Variants in LIMCH1 observed in about 807,000 individuals in gnomAD.
LIMCH1 encodes the protein LIM and calponin homology domains 1.
A neutral mutation model predicts 176.5 loss-of-function variants in LIMCH1; 113 were observed. The ratio of observed to expected loss-of-function variants is 0.64; its 90% CI spans 0.55 to 0.75. The LOEUF is 0.75. LIMCH1 is among the 30% of genes least tolerant of loss of function. The pLI, the probability that LIMCH1 is intolerant of heterozygous loss-of-function variation, is 0.00. For synonymous variants in LIMCH1, 619 were observed against 645.9 expected, an observed-to-expected ratio of 0.96 and a Z score of 0.63; for missense variants, 1,674 against 1,814.9, an observed-to-expected ratio of 0.92 and a Z score of 1.41.
intron 22 of LIMCH1, among the ~76,000 whole-genome samples, chr4:41,672,198 C>T (rs1206651216): frequency 2.6e-5 from 4 of 151,984 alleles, no homozygotes; most frequent in African/African-American, 4.8e-5. Flanking sequence ...GGTGAAACCC[C>T]GTCTCTACTG....
At position 41,598,969 on chromosome 4, in the gene LIMCH1, A is replaced by C; in HGVS notation, c.-191A>C. The C allele has an allele frequency of 6.2e-7, 1 of 1,612,692 alleles. No homozygotes were observed. The highest frequency in any genetic ancestry group is 8.5e-7 in the Non-Finnish European group (1 of 1,178,940). ...GGTTGTAAAGAGCTCGGCCTTAAAG[A>C]ATCTCAACTTTTTGACCCGAGTGAC... is the stretch of plus-strand genomic sequence containing the variant. On this transcript the variant is annotated 5_prime_UTR_variant, in exon 2 of 32. Coordinates refer to ENST00000503057, the MANE Select transcript of LIMCH1 (RefSeq NM_001330672.2).
In LIMCH1 at chr4:41,680,971, A is replaced by G. The variant is rs774116809; in HGVS notation, c.3629A>G (p.Glu1210Gly). The G allele has an allele frequency of 1.2e-6, 2 of 1,602,520 alleles. No individual in the cohort carries two copies. The highest frequency in any genetic ancestry group is 1.7e-6 in the Non-Finnish European group (2 of 1,169,876). ...TCCCCTTAGGAGCGTAAGATAATTG[A>G]AGACACTGTGGTTCCATTTACTGTT... is the stretch of plus-strand genomic sequence containing the variant. ...RYYEEERKII[E>G]DTVVPFTVSS... Residue 1210 changes from glutamate to glycine, a missense_variant, in exon 25 of 32, where the codon GAA becomes GGA. By Grantham distance (98) the Glu-to-Gly change is moderately conservative (BLOSUM62 -2). This residue lies in a region of LIMCH1 where 1,015 missense variants were observed against 1,102.5 expected (regional missense o/e 0.92). Coordinates refer to ENST00000503057, the MANE Select transcript of LIMCH1 (RefSeq NM_001330672.2).
At chr4:41,431,407 T>C (rs1362803625) in intron 1 of LIMCH1, among the ~76,000 whole-genome samples, 3 of 152,222 alleles carry the variant, frequency 2.0e-5, no homozygotes, top group African/African-American at 7.2e-5. Flanking sequence ...GCATAAGAAC[T>C]GTTTCAGTGG....
At chr4:41,568,516 C>G (rs2152574721) in intron 1 of LIMCH1, among the ~76,000 whole-genome samples, 1 of 152,244 alleles carries the variant, frequency 6.6e-6, no homozygotes, top group African/African-American at 2.4e-5. Context: ...ATTTTTGGAT[C>G]TAGATTTCTT....
chr4:41,549,427 C>T (rs1158522423), intron 1 of LIMCH1, among the ~76,000 whole-genome samples: 2 of 152,134 alleles, frequency 1.3e-5, no homozygotes, highest in African/African-American at 4.8e-5. Flanking sequence ...GGGATAGAGC[C>T]AGAAGCTGAA....
chr4:41,525,959 C>G lies in LIMCH1; in HGVS notation c.237+1481C>G, dbSNP rs574015213. Among the ~76,000 whole-genome samples the G allele has an allele frequency of 3.9e-5, 6 of 152,190 alleles. 1 individual carries two copies. Among genetic ancestry groups the G allele is most frequent in the African/African-American group, 1.4e-4 (6 of 41,534 alleles). On this transcript the variant is annotated intron_variant, in intron 3 of 26. Coordinates refer to the LIMCH1 transcript ENST00000313860. ...CCAGGAAAATCCAGATGAGGAGAAA[C>G]AAGTCACTCCCAGTCCAGTAGCTAA...
At position 41,440,091 on chromosome 4, in the gene LIMCH1, A is replaced by T. The variant is rs569304690; in HGVS notation, c.97-54445A>T. ...CTGTGTAATTTACAGCTGCTGGAGG[A>T]AAGGAAGAAGTAACAAGAAGACATT... On this transcript the variant is annotated intron_variant, in intron 1 of 26. Transcript: ENST00000313860. 3.0e-4 allele frequency among the ~76,000 whole-genome samples: 46 copies of T among 152,318 alleles called. 1 individual carries two copies. In the South Asian group the frequency reaches 8.3e-3, roughly 27 times the overall value.
chr4:41,426,264 G>T (rs890841422), intron 1 of LIMCH1, among the ~76,000 whole-genome samples: 4 of 151,822 alleles, frequency 2.6e-5, no homozygotes, highest in African/African-American at 9.7e-5. Context: ...CTCGTGATCC[G>T]CCCGCCTCGG....
chr4:41,396,685 G>A (rs1246582130), intron 1 of LIMCH1, among the ~76,000 whole-genome samples: 2 of 152,102 alleles, frequency 1.3e-5, no homozygotes, highest in Non-Finnish European at 2.9e-5. Flanking sequence ...CAGATCACTT[G>A]AGGTCAGGAG....
At chr4:41,523,504 C>T (rs760192307) in intron 2 of LIMCH1, among the ~76,000 whole-genome samples, 2 of 152,210 alleles carry the variant, frequency 1.3e-5, no homozygotes, top group Non-Finnish European at 2.9e-5. Flanking sequence ...CTAAGTTTCT[C>T]TTTGCACAGT....
intron 1 of LIMCH1, among the ~76,000 whole-genome samples, chr4:41,380,490 T>C (rs2055489856): frequency 1.3e-5 from 2 of 151,744 alleles, no homozygotes; most frequent in Admixed American, 6.6e-5. Context: ...TTTTTTTTTT[T>C]AGATAAGCAT....
At chr4:41,403,302 C>T (rs916044444) in intron 1 of LIMCH1, among the ~76,000 whole-genome samples, 6 of 152,052 alleles carry the variant, frequency 3.9e-5, no homozygotes, top group Admixed American at 6.6e-5. Context: ...CCCATCACGC[C>T]GGGCACGGTG....
At chr4:41,407,308 A>G (rs1161635809) in intron 1 of LIMCH1, among the ~76,000 whole-genome samples, 1 of 152,152 alleles carries the variant, frequency 6.6e-6, no homozygotes, top group East Asian at 1.9e-4. Flanking sequence ...GGCTCACTGC[A>G]TCTTCGACCT....
At chr4:41,541,702 C>G (rs539821656) in intron 1 of LIMCH1, among the ~76,000 whole-genome samples, 2 of 152,184 alleles carry the variant, frequency 1.3e-5, no homozygotes, top group South Asian at 2.1e-4. Flanking sequence ...TTTCTGTAAG[C>G]AGTCATTTCT....
chr4:41,682,942 A>G (rs1310258499), intron 26 of LIMCH1, among the ~76,000 whole-genome samples: 1 of 152,000 alleles, frequency 6.6e-6, no homozygotes, highest in Non-Finnish European at 1.5e-5. Context: ...CTCCTGAAGT[A>G]CTGGGATTAC....
chr4:41,399,141 T>A (rs549075785), intron 1 of LIMCH1, among the ~76,000 whole-genome samples: 8 of 152,284 alleles, frequency 5.3e-5, no homozygotes, highest in South Asian at 2.1e-4. Context: ...AGGCATGGGA[T>A]GTTATTATAA....
In LIMCH1 at chr4:41,609,574, C is replaced by G. The variant is rs376585267; in HGVS notation, c.9+3570C>G. 3.1e-5 allele frequency: 14 copies of G among 447,062 alleles called. No homozygotes were observed. In the East Asian group the frequency reaches 8.4e-4, roughly 27 times the overall value. 27.7% of individuals were successfully genotyped at this position (447,062 alleles called of 1,614,324 possible). Reference sequence around the variant, plus strand: ...ATGTTGAGCAGTAAAAGAGAAGCATCTGGAGTTTCTCAGAAACTGTTAAGT... The same window carrying G: ...ATGTTGAGCAGTAAAAGAGAAGCATGTGGAGTTTCTCAGAAACTGTTAAGT... On this transcript the variant is annotated intron_variant, in intron 4 of 31. Transcript: ENST00000503057.
intron 22 of LIMCH1, among the ~76,000 whole-genome samples, chr4:41,675,529 AG>A (rs1273524186): frequency 1.3e-5 from 2 of 152,042 alleles, no homozygotes; most frequent in African/African-American, 2.4e-5. Context: ...AACAAAGGGA[AG>A]GGAGGAGCAC....
chr4:41,579,181 G>C (rs9998016), intron 1 of LIMCH1, among the ~76,000 whole-genome samples: 52,882 of 151,788 alleles, frequency 0.35, 14,733 homozygotes, highest in African/African-American at 0.78. Flanking sequence ...AATGTCAAGT[G>C]TAAAATGATT....
Sources: gnomAD v4.1 joint callset for allele counts (sites outside exome capture counted in the v4.1 genomes callset) on GRCh38, gnomAD v4.1.1 for gene constraint, gnomAD v4.1.1 regional missense constraint, MANE v1.5 for transcripts, NCBI Gene and HGNC (gene_info 2026-07-23, HGNC 2026-07-21) for gene names.